Variants in MCFD2 observed in about 807,000 individuals in gnomAD.
The protein encoded by MCFD2 is multiple coagulation factor deficiency protein 2.
In MCFD2, 11 loss-of-function variants were observed where a neutral mutation model predicts 12.8. The ratio of observed to expected loss-of-function variants is 0.86; its 90% CI spans 0.54 to 1.42. The LOEUF (loss-of-function observed/expected upper bound fraction) is 1.42, where lower values mean the gene tolerates loss of function less well. Among genes scored for constraint, MCFD2 ranks in the 40% most tolerant of loss-of-function variants. MCFD2 has a pLI of 0.00. For synonymous variants in MCFD2, 70 were observed against 68.1 expected, an observed-to-expected ratio of 1.03 and a Z score of -0.14; for missense variants, 191 against 178.6, an observed-to-expected ratio of 1.07 and a Z score of -0.40.
chr2:46,917,985 C>G (rs1668903416), upstream of MCFD2, among the ~76,000 whole-genome samples: 1 of 152,190 alleles, frequency 6.6e-6, no homozygotes, highest in Admixed American at 6.5e-5. Context: ...TCCACCCTCC[C>G]TATGTGAGTT....
rs1012728053 is a variant in MCFD2 at position 46,941,701 on chromosome 2, G to C, written c.-137C>G. On this transcript the variant is annotated 5_prime_UTR_variant, in exon 1 of 3. Coordinates refer to the MCFD2 transcript ENST00000409147. This position sits in a 1 kb window ranked among gnomAD's most constrained non-coding sequence, Gnocchi z 4.2. ...AGGTAACAGGCGAGGCAGCCCGAGC[G>C]CAGCGTTCACCTTTCCGGACACCGG... The C allele has an allele frequency of 1.3e-6, 2 of 1,550,630 alleles. No homozygotes were observed. Among genetic ancestry groups the C allele is most frequent in the African/African-American group, 2.7e-5 (2 of 73,132 alleles).
In MCFD2 at chr2:46,905,573, G is replaced by A. The variant is rs373893031; in HGVS notation, c.331C>T (p.Leu111=). 3.1e-6 allele frequency: 5 copies of A among 1,613,204 alleles called. No individual in the cohort carries two copies. In the African/African-American group the frequency reaches 6.7e-5, roughly 22 times the overall value. The change falls in exon 4 of 4, where the codon CTA becomes TTA. Residue 111 remains leucine (L), a synonymous_variant. Coordinates refer to ENST00000319466, the MANE Select transcript of MCFD2 (RefSeq NM_139279.6). The part of the protein sequence containing the change: ...HKEEGSEQAP[L]MSEDELINII... ...TTAATCAGTTCATCTTCACTCATTA[G>A]TGGTGCCTGTTCACTCCCTTCCTAC...
intron 1 of MCFD2, among the ~76,000 whole-genome samples, chr2:46,927,856 G>A (rs926917182): frequency 6.6e-5 from 9 of 136,954 alleles, no homozygotes; most frequent in Non-Finnish European, 1.2e-4. Context: ...TCCACCAGCA[G>A]AAACACTAAT....
chr2:46,913,298 A>AG (rs1425081448), intron 1 of MCFD2, among the ~76,000 whole-genome samples: 1 of 152,144 alleles, frequency 6.6e-6, no homozygotes, highest in Non-Finnish European at 1.5e-5. Flanking sequence ...CTGTAATCTC[A>AG]ATACTTTGAG....
upstream of MCFD2, chr2:46,917,404 T>TCTGC (rs891871204): frequency 1.8e-5 from 10 of 567,744 alleles, no homozygotes; most frequent in African/African-American, 1.9e-4. Flanking sequence ...CTACCCTGCA[T>TCTGC]CTGCCATTCA....
In MCFD2 at chr2:46,941,314, C is replaced by T. The variant is rs1572669614; in HGVS notation, c.-8+258G>A. ...TGCTCCTGTACGCGTACGGGCCGCT[C>T]GGCCGGAGCCGCAGCCCGGAGGCGC... On this transcript the variant is annotated intron_variant, in intron 1 of 2. Coordinates refer to the MCFD2 transcript ENST00000409147. This position sits in a 1 kb window ranked among gnomAD's most constrained non-coding sequence, Gnocchi z 4.2. 2 of 202,108 alleles carry T rather than the reference C, an allele frequency of 9.9e-6. No individual in the cohort carries two copies. The highest frequency in any genetic ancestry group is 1.9e-5 in the Non-Finnish European group (2 of 106,896). 12.5% of individuals were successfully genotyped at this position (202,108 alleles called of 1,614,324 possible).
At chr2:46,911,880 T>C (rs10181411) in intron 1 of MCFD2, among the ~76,000 whole-genome samples, 5,083 of 151,782 alleles carry the variant, frequency 0.033, 99 homozygotes, top group Non-Finnish European at 0.047. Flanking sequence ...AGCCGAGATC[T>C]GCTACCATTT....
intron 1 of MCFD2, among the ~76,000 whole-genome samples, chr2:46,934,788 T>TTTTTTTTTTTTTTTG (rs1669886077): frequency 1.0e-4 from 1 of 9,710 alleles, no homozygotes; most frequent in Non-Finnish European, 1.8e-4. Context: ...ACTACTGCTC[T>TTTTTTTTTTTTTTTG]TTTTTTTTTT....
Position 46,937,355 on chromosome 2 carries a change from A to G in MCFD2, c.-8+4217T>C, listed in dbSNP as rs1471549231. Among the ~76,000 whole-genome samples the G allele has an allele frequency of 6.6e-6, 1 of 151,980 alleles. No individual in the cohort carries two copies. Among genetic ancestry groups the G allele is most frequent in the Admixed American group, 6.6e-5 (1 of 15,252 alleles). ...CTCCCCTTTCCTCCTGGCTGGCTAG[A>G]TACCCCAAAGCTCACTTAACTTCAG... is the stretch of plus-strand genomic sequence containing the variant. On this transcript the variant is annotated intron_variant, in intron 1 of 2. Coordinates refer to the MCFD2 transcript ENST00000409147. This position sits in a 1 kb window ranked among gnomAD's most constrained non-coding sequence, Gnocchi z 4.0.
chr2:46,915,055 C>A (rs925271681), intron 1 of MCFD2, among the ~76,000 whole-genome samples: 1 of 152,172 alleles, frequency 6.6e-6, no homozygotes, highest in East Asian at 1.9e-4. Context: ...ATGGCTGTAG[C>A]CTCTCTGTAT....
chr2:46,917,263 G>A, upstream of MCFD2: 3 of 697,062 alleles, frequency 4.3e-6, no homozygotes, highest in Non-Finnish European at 7.8e-6. Context: ...CTCCCAAAGT[G>A]CTGGGATTAC....
intron 1 of MCFD2, among the ~76,000 whole-genome samples, chr2:46,928,461 A>T (rs1391344416): frequency 6.6e-4 from 58 of 88,208 alleles, no homozygotes; most frequent in African/African-American, 4.5e-3. Context: ...AGGGAAATTA[A>T]AAAAAAAAAA....
In MCFD2 at chr2:46,941,717, C is replaced by G. The variant is rs201805434; in HGVS notation, c.-153G>C. On this transcript the variant is annotated 5_prime_UTR_variant, in exon 1 of 3. Transcript: ENST00000409147. The surrounding 1 kb of genome is among the most constrained non-coding windows in gnomAD (Gnocchi z 4.2). Reference sequence around the variant, plus strand: ...AGCCCGAGCGCAGCGTTCACCTTTCCGGACACCGGTGAGTAAGGGAAGAGG... The same window carrying G: ...AGCCCGAGCGCAGCGTTCACCTTTCGGGACACCGGTGAGTAAGGGAAGAGG... 8,299 of 1,550,222 alleles carry G rather than the reference C, an allele frequency of 5.4e-3. 25 individuals carry two copies. Among genetic ancestry groups the G allele is most frequent in the Non-Finnish European group, 6.4e-3 (7,376 of 1,147,114 alleles).
At chr2:46,920,310 A>G (rs1478552552), upstream of MCFD2, among the ~76,000 whole-genome samples, 1 of 152,054 alleles carries the variant, frequency 6.6e-6, no homozygotes, top group Non-Finnish European at 1.5e-5. Context: ...TAGTTATTCT[A>G]GATAAACATT....
intron 1 of MCFD2, among the ~76,000 whole-genome samples, chr2:46,936,860 T>A (rs1572660065): frequency 1.0e-5 from 1 of 97,528 alleles, no homozygotes; most frequent in Non-Finnish European, 2.0e-5. Flanking sequence ...GGATTCCAAA[T>A]TTTTTTTTTT....
Position 46,940,637 on chromosome 2 carries a change from G to C in MCFD2, c.-8+935C>G, listed in dbSNP as rs1670249125. 6.6e-6 allele frequency among the ~76,000 whole-genome samples: 1 copy of C among 152,250 alleles called. No individual in the cohort carries two copies. The highest frequency in any genetic ancestry group is 1.5e-5 in the Non-Finnish European group (1 of 68,050). On this transcript the variant is annotated intron_variant, in intron 1 of 2. Transcript: ENST00000409147. This position sits in a 1 kb window ranked among gnomAD's most constrained non-coding sequence, Gnocchi z 4.7. ...CCAGGGCAACAGAGATTCCACAGAGGACAGGTCAACGGGTTAGGGAAGTCA... is the reference window on the plus strand; with the variant it reads ...CCAGGGCAACAGAGATTCCACAGAGCACAGGTCAACGGGTTAGGGAAGTCA...
intron 1 of MCFD2, among the ~76,000 whole-genome samples, chr2:46,926,623 C>T (rs11690921): frequency 0.31 from 47,811 of 152,140 alleles, 8,733 homozygotes; most frequent in East Asian, 0.62. Context: ...AGAGCCCCCC[C>T]AGGTGCCTAG....
rs979964905 is a variant in MCFD2 at position 46,905,744 on chromosome 2, C to T, written c.310-150G>A. The T allele has an allele frequency of 1.9e-5, 15 of 806,858 alleles. No individual in the cohort carries two copies. In the Admixed American group the frequency reaches 2.0e-4, roughly 11 times the overall value. The allele number at this position is 806,858 out of a possible 1,614,324, so 50.0% of individuals were successfully genotyped here. A position where few individuals can be genotyped will look rare whatever the true frequency, so the allele number is the denominator to read the frequency against. The stretch of plus-strand genomic sequence containing the variant: ...AAAACAAAACAACAAAATATCCACG[C>T]TCATATGTGTCCAAAAACTTTCAAT... On this transcript the variant is annotated intron_variant, in intron 3 of 3. Coordinates refer to ENST00000319466, the MANE Select transcript of MCFD2 (RefSeq NM_139279.6).
chr2:46,928,642 C>A lies in MCFD2; in HGVS notation c.-8+12930G>T, dbSNP rs557863094. Among the ~76,000 whole-genome samples, 13 of 152,050 alleles carry A rather than the reference C, an allele frequency of 8.5e-5. No individual in the cohort carries two copies. In the East Asian group the frequency reaches 2.1e-3, roughly 25 times the overall value. ...AAAATTGACCAGATGTGGTGACACA[C>A]ACCTGTGGTCCCAGCTGTTTGGGAG... On this transcript the variant is annotated intron_variant, in intron 1 of 2. Transcript: ENST00000409147.
Sources: allele counts gnomAD v4.1 joint callset (sites outside exome capture counted in the v4.1 genomes callset), GRCh38; gene constraint gnomAD v4.1.1; non-coding constraint Gnocchi (gnomAD v3.1); transcripts MANE v1.5; gene names NCBI Gene and HGNC (gene_info 2026-07-23, HGNC 2026-07-21).